Variants in SSH2 observed in about 807,000 individuals in gnomAD.
The protein encoded by SSH2 is slingshot protein phosphatase 2, also known as protein phosphatase Slingshot homolog 2.
SSH2 carries 37 observed loss-of-function variants against 135.2 expected under a neutral mutation model. The ratio of observed to expected loss-of-function variants is 0.27; its 90% CI spans 0.21 to 0.36. SSH2 has a LOEUF of 0.36. Ranked by LOEUF, SSH2 falls within the 10% of genes least tolerant of loss-of-function variation. The pLI is 1.00. For synonymous variants in SSH2, 628 were observed against 646.2 expected, an observed-to-expected ratio of 0.97 and a Z score of 0.43; for missense variants, 1,408 against 1,765.3, an observed-to-expected ratio of 0.80 and a Z score of 3.63.
chr17:29,636,047 G>A lies in SSH2; in HGVS notation c.2183C>T (p.Ala728Val), dbSNP rs1567830060. The A allele has an allele frequency of 6.8e-6, 11 of 1,614,050 alleles. No individual in the cohort carries two copies. Among genetic ancestry groups the A allele is most frequent in the African/African-American group, 1.3e-5 (1 of 74,914 alleles). Reference sequence around the variant, plus strand: ...CAAAGAGCTGCTTCTCTGGTCATCAGCTGTCACTTTGGAAGGGGCTACTTC... The same window carrying A: ...CAAAGAGCTGCTTCTCTGGTCATCAACTGTCACTTTGGAAGGGGCTACTTC... ...VVEVAPSKVT[A>V]DDQRSSSLSN... Residue 728 changes from alanine (A) to valine (V), a missense_variant, in exon 15 of 16, where the codon GCT becomes GTT. This residue lies in a region of SSH2 where 1,080 missense variants were observed against 1,144.5 expected (regional missense o/e 0.94). Transcript: ENST00000540801.
At chr17:29,666,491 T>C (rs897685889) in intron 11 of SSH2, among the ~76,000 whole-genome samples, 2 of 152,168 alleles carry the variant, frequency 1.3e-5, no homozygotes, top group Non-Finnish European at 2.9e-5. Context: ...AAGACCAACG[T>C]GGCCAAGATG....
rs76080547 is a variant in SSH2, at chr17:29,660,610, A to T, written c.1033-5003T>A. Among the ~76,000 whole-genome samples, 13 of 152,126 alleles carry T rather than the reference A, an allele frequency of 8.5e-5. No homozygotes were observed. The East Asian group carries it at 2.1e-3, about 25-fold the overall frequency. On this transcript the variant is annotated intron_variant, in intron 11 of 15. Coordinates refer to ENST00000540801, the MANE Select transcript of SSH2 (RefSeq NM_001282129.2). ...TAAAATGAAAACCCCTTCCCACCCC[A>T]GTAGTATATATTTAATGGGTACATT...
intron 2 of SSH2, among the ~76,000 whole-genome samples, chr17:29,802,618 C>CAAAAAAAAAAAAAAAAAAA (rs74267073): frequency 2.8e-4 from 16 of 57,284 alleles, no homozygotes; most frequent in South Asian, 7.2e-4. Context: ...ACTGTTTCTA[C>CAAAAAAAAAAAAAAAAAAA]AAAAAAAAAA....
chr17:29,640,601 A>G (rs541416003), intron 14 of SSH2: 22 of 151,812 alleles, frequency 1.4e-4, no homozygotes, highest in South Asian at 6.3e-4. Context: ...AAGAGAGAGA[A>G]AAAAAAAACA....
rs2150961500 is a variant in SSH2, at chr17:29,632,240, C to T, written c.2954G>A (p.Arg985Lys). 6.2e-7 allele frequency: 1 copy of T among 1,613,962 alleles called. No individual in the cohort carries two copies. The change falls in exon 16 of 16, where the codon AGG becomes AAG. Residue 985 changes from arginine (R) to lysine (K), a missense_variant. Around this residue, in one of 3 missense-constraint regions of SSH2, gnomAD observed 1,080 missense variants for 1,144.5 expected, o/e 0.94. Transcript: ENST00000540801. The part of the protein sequence containing the change: ...SEQNATVPAP[R>K]VLEFDHLPDP... The stretch of plus-strand genomic sequence containing the variant: ...TGGCAAGTGGTCAAACTCCAGCACC[C>T]TGGGAGCTGGAACAGTGGCATTCTG...
rs369515441 is a variant in SSH2, at chr17:29,719,384, C to T, written c.189-16322G>A. 2.9e-4 allele frequency among the ~76,000 whole-genome samples: 44 copies of T among 152,026 alleles called. 1 individual carries two copies. The highest frequency in any genetic ancestry group is 9.9e-4 in the African/African-American group (41 of 41,480). ...AGTTTGGGCCCGGTGTGGTGGCTCACGCCTGTAATCCCAGCTACTCGGGAG... is the reference window on the plus strand; with the variant it reads ...AGTTTGGGCCCGGTGTGGTGGCTCATGCCTGTAATCCCAGCTACTCGGGAG... On this transcript the variant is annotated intron_variant, in intron 3 of 15. Coordinates refer to ENST00000540801, the MANE Select transcript of SSH2 (RefSeq NM_001282129.2).
chr17:29,751,042 A>C (rs140137853), intron 3 of SSH2, among the ~76,000 whole-genome samples: 79 of 152,280 alleles, frequency 5.2e-4, no homozygotes, highest in African/African-American at 1.8e-3. Flanking sequence ...ATCTCCTATG[A>C]TAACAATGCC....
chr17:29,663,732 T>G (rs2037150848), intron 11 of SSH2, among the ~76,000 whole-genome samples: 2 of 152,206 alleles, frequency 1.3e-5, no homozygotes, highest in Non-Finnish European at 1.5e-5. Flanking sequence ...AGTAAAAACT[T>G]CTATGTGATA....
intron 2 of SSH2, among the ~76,000 whole-genome samples, chr17:29,840,938 A>C (rs2043030063): frequency 6.6e-6 from 1 of 152,214 alleles, no homozygotes; most frequent in Non-Finnish European, 1.5e-5. Flanking sequence ...CTGAACCTTC[A>C]ACTTGAGCTC....
intron 2 of SSH2, among the ~76,000 whole-genome samples, chr17:29,801,971 C>G (rs987705706): frequency 3.9e-5 from 6 of 152,330 alleles, no homozygotes; most frequent in African/African-American, 7.2e-5. Flanking sequence ...ATACCTTACC[C>G]AAAGACTATC....
intron 13 of SSH2, 70 bp from the exon 14 acceptor site, chr17:29,648,414 T>G: frequency 7.4e-7 from 1 of 1,344,776 alleles, no homozygotes. Context: ...AGTTGGTTTC[T>G]AGATTTTTCC....
chr17:29,930,033 T>C lies in SSH2; in HGVS notation c.-33A>G. On this transcript the variant is annotated 5_prime_UTR_variant, in exon 1 of 16. An upstream start codon of the reference 5' UTR is lost. Transcript: ENST00000540801. ...CTGCTGGGTTGTTCCGGGCAGGGCATTCTTGTCCTGAGTGTGGGGGACGGG... is the reference window on the plus strand; with the variant it reads ...CTGCTGGGTTGTTCCGGGCAGGGCACTCTTGTCCTGAGTGTGGGGGACGGG... The C allele has an allele frequency of 6.3e-7, 1 of 1,574,986 alleles. No homozygotes were observed. The highest frequency in any genetic ancestry group is 8.6e-7 in the Non-Finnish European group (1 of 1,160,772).
intron 3 of SSH2, among the ~76,000 whole-genome samples, chr17:29,788,289 C>G (rs990984561): frequency 6.6e-6 from 1 of 152,094 alleles, no homozygotes; most frequent in South Asian, 2.1e-4. Context: ...GTGGGTAGTC[C>G]TCACTCAATC....
intron 1 of SSH2, among the ~76,000 whole-genome samples, chr17:29,902,256 A>G (rs1195574539): frequency 6.6e-6 from 1 of 152,226 alleles, no homozygotes; most frequent in East Asian, 1.9e-4. Flanking sequence ...ATTGCAAAGT[A>G]AAATACCAAC....
intron 1 of SSH2, 135 bp from the exon 2 acceptor site, chr17:29,849,064 T>C: frequency 1.8e-6 from 1 of 555,972 alleles, no homozygotes; most frequent in East Asian, 2.8e-5. Flanking sequence ...TAGTGATGGC[T>C]ATTTTGAGAG....
intron 1 of SSH2, among the ~76,000 whole-genome samples, chr17:29,913,451 A>G (rs1430505958): frequency 1.5e-5 from 2 of 136,322 alleles, no homozygotes; most frequent in Non-Finnish European, 3.1e-5. Flanking sequence ...ACTGCCCAAG[A>G]GGTAAGCTGT....
Position 29,848,857 on chromosome 17 carries a change from C to A in SSH2, c.136G>T (p.Asp46Tyr). The A allele has an allele frequency of 1.3e-6, 2 of 1,529,990 alleles. No homozygotes were observed. The highest frequency in any genetic ancestry group is 2.4e-5 in the South Asian group (2 of 83,880). 94.8% of individuals were successfully genotyped at this position (1,529,990 alleles called of 1,614,324 possible). The change falls in exon 2 of 16, where the codon GAT becomes TAT. Residue 46 changes from aspartate to tyrosine, a missense_variant. Physicochemically the swap from Asp to Tyr is radical, Grantham distance 160. This residue lies in a region of SSH2 where 222 missense variants were observed against 355.6 expected (regional missense o/e 0.62). Coordinates refer to ENST00000540801, the MANE Select transcript of SSH2 (RefSeq NM_001282129.2). ...CECEESEIFT[D>Y]SNEADSGEEE... Reference sequence around the variant, plus strand: ...AACATATACCTACGTACATTGGAATCAGTAAAGATTTCTGATTCTTCACAT... The same window carrying A: ...AACATATACCTACGTACATTGGAATAAGTAAAGATTTCTGATTCTTCACAT...
intron 1 of SSH2, among the ~76,000 whole-genome samples, chr17:29,919,935 G>A (rs527254528): frequency 2.6e-5 from 4 of 152,238 alleles, no homozygotes; most frequent in East Asian, 3.9e-4. Context: ...CTGAGACGGA[G>A]TTTCCCTCTT....
chr17:29,742,071 A>G (rs2040578008), intron 3 of SSH2, among the ~76,000 whole-genome samples: 1 of 149,868 alleles, frequency 6.7e-6, no homozygotes, highest in Admixed American at 6.7e-5. Context: ...AATAGCTGGG[A>G]TTACAAGCGT....
Sources: gnomAD v4.1 joint callset for allele counts (sites outside exome capture counted in the v4.1 genomes callset) on GRCh38, gnomAD v4.1.1 for gene constraint, gnomAD v4.1.1 regional missense constraint, MANE v1.5 for transcripts, NCBI Gene and HGNC (gene_info 2026-07-23, HGNC 2026-07-21) for gene names.